Variants in NLRP1 observed in about 807,000 individuals in gnomAD.
The protein encoded by NLRP1 is NLR family pyrin domain containing 1.
A neutral mutation model predicts 136.7 loss-of-function variants in NLRP1; 94 were observed. That is an observed-to-expected ratio of 0.69 (90% CI 0.58 to 0.82). NLRP1 has a LOEUF of 0.82. NLRP1 is among the 40% of genes least tolerant of loss of function. NLRP1 has a pLI of 0.00. For synonymous variants in NLRP1, 690 were observed against 725.1 expected, an observed-to-expected ratio of 0.95 and a Z score of 0.78; for missense variants, 1,575 against 1,802.7, an observed-to-expected ratio of 0.87 and a Z score of 2.29.
At chr17:5,509,342 T>C (rs1432288467), downstream of NLRP1, among the ~76,000 whole-genome samples, 1 of 152,198 alleles carries the variant, frequency 6.6e-6, no homozygotes, top group Non-Finnish European at 1.5e-5. Context: ...TTCCTTCCCC[T>C]GCTTCCTTCT....
At chr17:5,536,512 G>A (rs1006931326) in intron 8 of NLRP1, among the ~76,000 whole-genome samples, 14 of 144,594 alleles carry the variant, frequency 9.7e-5, no homozygotes, top group Admixed American at 5.8e-4. Flanking sequence ...GTGCAGTAGC[G>A]CGATCTTGGC....
intron 15 of NLRP1, among the ~76,000 whole-genome samples, chr17:5,508,074 CGGTGA>C (rs1907441221): frequency 2.6e-5 from 4 of 151,546 alleles, no homozygotes; most frequent in Admixed American, 2.6e-4. Flanking sequence ...GCGGAGGTTG[CGGTGA>C]GCTGACATCG....
intron 3 of NLRP1, among the ~76,000 whole-genome samples, chr17:5,561,049 T>C (rs994892743): frequency 7.2e-5 from 11 of 152,180 alleles, no homozygotes; most frequent in Non-Finnish European, 1.3e-4. Context: ...TTAGGTGAAT[T>C]TCATTTTATT....
rs1259568636 is a variant in NLRP1 at position 5,521,911 on chromosome 17, G to A, written c.3521-125C>T. On this transcript the variant is annotated intron_variant, in intron 12 of 16. Coordinates refer to ENST00000572272, the MANE Select transcript of NLRP1 (RefSeq NM_033004.4). The stretch of plus-strand genomic sequence containing the variant: ...ACAATCTCGGCTCACTGCAACCTCC[G>A]CCTCCTGGGTTCAAGCGATTCTCCT... 5.3e-6 allele frequency: 5 copies of A among 936,742 alleles called. No individual in the cohort carries two copies. The Admixed American group carries it at 8.9e-5, about 17-fold the overall frequency. 58.0% of individuals were successfully genotyped at this position (936,742 alleles called of 1,614,324 possible).
At chr17:5,526,042 A>C (rs189752847) in intron 12 of NLRP1, among the ~76,000 whole-genome samples, 15 of 150,974 alleles carry the variant, frequency 9.9e-5, no homozygotes, top group African/African-American at 3.6e-4. Flanking sequence ...GTGCACGATC[A>C]TGACTCACTG....
At chr17:5,550,139 ATT>A (rs60570487) in intron 5 of NLRP1, among the ~76,000 whole-genome samples, 6 of 150,112 alleles carry the variant, frequency 4.0e-5, no homozygotes, top group Admixed American at 6.6e-5. Flanking sequence ...TGGCCTGCAG[ATT>A]TTTTTTTTTC....
chr17:5,517,257 A>G (rs922292566), intron 15 of NLRP1, among the ~76,000 whole-genome samples: 1 of 151,576 alleles, frequency 6.6e-6, no homozygotes, highest in South Asian at 2.1e-4. Flanking sequence ...AATTCTAGTC[A>G]TAACAACTGT....
Position 5,583,702 on chromosome 17 carries a change from C to A in NLRP1, c.256G>T (p.Ala86Ser). Residue 86 changes from alanine to serine, a missense_variant, in exon 1 of 17, where the codon GCC (alanine) becomes TCC (serine). By Grantham distance (99) the Ala-to-Ser change is moderately conservative (BLOSUM62 1). Transcript: ENST00000572272. This position sits in a 1 kb window ranked among gnomAD's most constrained non-coding sequence, Gnocchi z 4.5. ...GTCCACTCACCTGCCCCTTCCTGGG[C>A]TTGGGCGCACAGTGACCTCAGCCCC... ...QMGLRSLCAQAQEGAGHSPSF... is the reference protein window; with the variant it reads ...QMGLRSLCAQSQEGAGHSPSF... The A allele has an allele frequency of 6.4e-7, 1 of 1,554,124 alleles. No homozygotes were observed. The highest frequency in any genetic ancestry group is 2.4e-5 in the East Asian group (1 of 41,198).
intron 11 of NLRP1, among the ~76,000 whole-genome samples, chr17:5,531,177 TATCTATC>T (rs1910215622): frequency 1.8e-5 from 1 of 56,920 alleles, no homozygotes; most frequent in African/African-American, 7.4e-5. Flanking sequence ...CTATCTAATC[TATCTATC>T]TATCTATCTA....
intron 14 of NLRP1, among the ~76,000 whole-genome samples, chr17:5,519,039 G>C (rs1908525173): frequency 6.7e-6 from 1 of 148,488 alleles, no homozygotes; most frequent in East Asian, 2.0e-4. Context: ...GTCTCGCTCT[G>C]TCGCCCAGGC....
intron 3 of NLRP1, among the ~76,000 whole-genome samples, chr17:5,572,831 T>C (rs1264962953): frequency 6.6e-6 from 1 of 151,724 alleles, no homozygotes; most frequent in African/African-American, 2.4e-5. Context: ...AAAATGCAAA[T>C]TGGGGTGGTT....
chr17:5,522,698 T>G (rs12939501), intron 12 of NLRP1, among the ~76,000 whole-genome samples: 46,147 of 151,964 alleles, frequency 0.3, 8,333 homozygotes, highest in Non-Finnish European at 0.4. Flanking sequence ...AGCTCAAGGA[T>G]CACCCTTGAG....
chr17:5,517,536 C>T (rs1020811169), intron 15 of NLRP1, among the ~76,000 whole-genome samples: 2 of 152,110 alleles, frequency 1.3e-5, no homozygotes, highest in East Asian at 3.9e-4. Context: ...TACAGGCACG[C>T]GCTACCACGC....
At chr17:5,557,638 G>A (rs1224568129) in intron 4 of NLRP1, among the ~76,000 whole-genome samples, 1 of 152,224 alleles carries the variant, frequency 6.6e-6, no homozygotes, top group Admixed American at 6.5e-5. Context: ...ATCATCTAAA[G>A]CAGGACATAG....
Position 5,536,840 on chromosome 17 carries a change from T to TC in NLRP1, c.2960+10dup. On this transcript the variant is annotated intron_variant, in intron 8 of 16. Transcript: ENST00000572272. Reference sequence around the variant, plus strand: ...TGGGTCAGCCAGAGGGAGTTCTGGGTCCCCCCTTACCGTCTGCTGAAGATG... The same window carrying TC: ...TGGGTCAGCCAGAGGGAGTTCTGGGTCCCCCCCTTACCGTCTGCTGAAGATG... The TC allele has an allele frequency of 6.3e-7, 1 of 1,598,552 alleles. No individual in the cohort carries two copies. The highest frequency in any genetic ancestry group is 1.1e-5 in the South Asian group (1 of 90,748).
At chr17:5,503,773 C>CA in intron 15 of NLRP1, 1 of 152,286 alleles carries the variant, frequency 6.6e-6, no homozygotes, top group Non-Finnish European at 1.5e-5. Flanking sequence ...TCACACTCTG[C>CA]TCGACACCAG....
At chr17:5,529,744 T>C (rs956882427) in intron 12 of NLRP1, among the ~76,000 whole-genome samples, 1 of 152,098 alleles carries the variant, frequency 6.6e-6, no homozygotes, top group African/African-American at 2.4e-5. Flanking sequence ...TTTTTGCTGA[T>C]AGTTTTAAGG....
Position 5,531,168 on chromosome 17 carries a change from TATCTA to T in NLRP1, c.3297-469_3297-465del, listed in dbSNP as rs757071445. On this transcript the variant is annotated intron_variant, in intron 11 of 16. Transcript: ENST00000572272. The stretch of plus-strand genomic sequence containing the variant: ...TGTCTATCTATCTATCTATCTAATC[TATCTA>T]ATCTATCTATCTATCTATCTATCTA... Among the ~76,000 whole-genome samples, 828 of 142,176 alleles carry T rather than the reference TATCTA, an allele frequency of 5.8e-3. 9 individuals carry two copies. The highest frequency in any genetic ancestry group is 0.026 in the South Asian group (112 of 4,364). The allele number at this position is 142,176 out of a possible 152,430, so 93.3% of individuals were successfully genotyped here.
chr17:5,579,430 T>A (rs944960602), intron 3 of NLRP1, among the ~76,000 whole-genome samples: 3 of 151,890 alleles, frequency 2.0e-5, no homozygotes, highest in Non-Finnish European at 4.4e-5. Flanking sequence ...AATTTAAAAG[T>A]CAAAAAATAA....
Sources: gnomAD v4.1 joint callset for allele counts (sites outside exome capture counted in the v4.1 genomes callset) on GRCh38, gnomAD v4.1.1 for gene constraint, Gnocchi (gnomAD v3.1) non-coding constraint, MANE v1.5 for transcripts, NCBI Gene and HGNC (gene_info 2026-07-23, HGNC 2026-07-21) for gene names.